LIG4: variants seen among roughly 807,000 people sequenced by gnomAD.
LIG4 encodes DNA joinase.
In LIG4, 13 loss-of-function variants were observed where a neutral mutation model predicts 19.0. That is an observed-to-expected ratio of 0.68 (90% CI 0.44 to 1.09). The LOEUF is 1.09. Ranked by LOEUF, LIG4 falls within the 50% of genes least tolerant of loss-of-function variation. LIG4 has a pLI of 0.00. For synonymous variants in LIG4, 361 were observed against 358.2 expected (o/e 1.01, Z -0.09); for missense variants, 1,026 against 1,089.7 (o/e 0.94, Z 0.82).
chr13:108,209,600 C>G lies in LIG4; in HGVS notation c.1669G>C (p.Val557Leu). Residue 557 changes from valine to leucine, a missense_variant, in exon 3 of 3, where the codon GTT becomes CTT. Physicochemically the swap from Val to Leu is conservative, Grantham distance 32. This residue lies in a region of LIG4 where 521 missense variants were observed against 515.5 expected (regional missense o/e 1.01). Coordinates refer to ENST00000442234, the MANE Select transcript of LIG4 (RefSeq NM_206937.2). ...VYIEPCNSVI[V>L]QIKAAEIVPS... Reference sequence around the variant, plus strand: ...ACGATCTCTGCTGCTTTAATCTGAACAATGACAGAATTACAAGGTTCAATG... The same window carrying G: ...ACGATCTCTGCTGCTTTAATCTGAAGAATGACAGAATTACAAGGTTCAATG... The G allele has an allele frequency of 6.2e-7, 1 of 1,614,106 alleles. No individual in the cohort carries two copies. Among genetic ancestry groups the G allele is most frequent in the Non-Finnish European group, 8.5e-7 (1 of 1,180,008 alleles).
rs938740125 is a variant in LIG4, at chr13:108,210,801, G to A, written c.468C>T (p.Ala156=). ...CTTTTCTTTTAGCAGAATTATTGCT[G>A]GCAATTGAGTCTAAAAGGTCGTTTA... The part of the protein sequence containing the change: ...QQVNDLLDSI[A]SNNSAKRKDL... The change falls in exon 3 of 3, where the codon GCC becomes GCT. Residue 156 remains alanine (A), a synonymous_variant. Transcript: ENST00000442234. 6.2e-7 allele frequency: 1 copy of A among 1,613,804 alleles called. No individual in the cohort carries two copies. The highest frequency in any genetic ancestry group is 8.5e-7 in the Non-Finnish European group (1 of 1,179,842).
Position 108,208,892 on chromosome 13 carries a change from C to G in LIG4, c.2377G>C (p.Ala793Pro). The G allele has an allele frequency of 6.2e-7, 1 of 1,614,088 alleles. No homozygotes were observed. The change falls in exon 3 of 3, where the codon GCT (alanine) becomes CCT (proline). Residue 793 changes from alanine (A) to proline (P), a missense_variant. By Grantham distance (27) the Ala-to-Pro change is conservative. Around this residue, in one of 3 missense-constraint regions of LIG4, gnomAD observed 521 missense variants for 515.5 expected, o/e 1.01. Coordinates refer to ENST00000442234, the MANE Select transcript of LIG4 (RefSeq NM_206937.2). ...NSNEQTPEEM[A>P]SLIADLEYRY... ...TATTCTAAATCAGCAATCAGAGAAG[C>G]CATTTCTTCAGGAGTCTGCTCGTTA... is the stretch of plus-strand genomic sequence containing the variant.
intron 2 of LIG4, among the ~76,000 whole-genome samples, chr13:108,212,622 A>C (rs1878786603): frequency 1.3e-5 from 2 of 151,948 alleles, no homozygotes; most frequent in Middle Eastern, 3.4e-3. Context: ...TTTTGCTGGG[A>C]GTGGGGAGAT....
chr13:108,209,067 G>A lies in LIG4; in HGVS notation c.2202C>T (p.Ser734=), dbSNP rs369333400. Residue 734 remains serine (S), a synonymous_variant, in exon 3 of 3, where the codon AGC becomes AGT. Coordinates refer to ENST00000442234, the MANE Select transcript of LIG4 (RefSeq NM_206937.2). ...AWLLECFKTK[S]FVPWQPRFMI... ...TAAAGCGAGGCTGCCATGGTACAAA[G>A]CTTTTGGTCTTAAAACATTCTAAAA... is the stretch of plus-strand genomic sequence containing the variant. 3 of 1,614,000 alleles carry A rather than the reference G, an allele frequency of 1.9e-6. No individual in the cohort carries two copies. Among genetic ancestry groups the A allele is most frequent in the South Asian group, 1.1e-5 (1 of 91,090 alleles).
rs200281988 is a variant in LIG4, at chr13:108,215,130, TCA to T, written c.-102+352_-102+353del. Among the ~76,000 whole-genome samples the T allele has an allele frequency of 4.3e-3, 131 of 30,698 alleles. 4 individuals are homozygous for T. The highest frequency in any genetic ancestry group is 0.034 in the Admixed American group (70 of 2,072). 20.1% of individuals were successfully genotyped at this position (30,698 alleles called of 152,430 possible). ...CCCCACGTAAACCCCGCCTGACACC[TCA>T]CAGACCCTAACCTGACGCCCCACAG... On this transcript the variant is annotated intron_variant, in intron 1 of 2. Coordinates refer to ENST00000442234, the MANE Select transcript of LIG4 (RefSeq NM_206937.2).
upstream of LIG4, among the ~76,000 whole-genome samples, chr13:108,216,738 T>C (rs541934400): frequency 7.6e-4 from 116 of 152,288 alleles, no homozygotes; most frequent in Middle Eastern, 3.4e-3. Flanking sequence ...CCGTGTACAT[T>C]TGTAGCTTGT....
rs370907523 is a variant in LIG4, at chr13:108,211,033, C to G, written c.236G>C (p.Arg79Thr). ...RLILPQLERE[R>T]MAYGIKETML... ...AGTTTCTTTAATTCCATAGGCCATT[C>G]TCTCTCTTTCTAGCTGAGGAAGAAT... Residue 79 changes from arginine to threonine, a missense_variant, in exon 3 of 3, where the codon AGA becomes ACA. Arg to Thr is a moderately conservative substitution (Grantham distance 71, BLOSUM62 -1). Coordinates refer to ENST00000442234, the MANE Select transcript of LIG4 (RefSeq NM_206937.2). 2.5e-6 allele frequency: 4 copies of G among 1,601,350 alleles called. No homozygotes were observed. The Middle Eastern group carries it at 5.0e-4, about 200-fold the overall frequency.
At chr13:108,214,124 T>A (rs908428699) in intron 2 of LIG4, among the ~76,000 whole-genome samples, 9 of 152,076 alleles carry the variant, frequency 5.9e-5, no homozygotes, top group Admixed American at 5.2e-4. Context: ...TCAGTGACTA[T>A]GGAAGGTGAT....
At position 108,210,017 on chromosome 13, in the gene LIG4, A is replaced by G. The variant is rs147181971; in HGVS notation, c.1252T>C (p.Leu418=). 43 of 1,612,160 alleles carry G rather than the reference A, an allele frequency of 2.7e-5. No individual in the cohort carries two copies. Among genetic ancestry groups the G allele is most frequent in the East Asian group, 4.5e-5 (2 of 44,874 alleles). Residue 418 remains leucine, a synonymous_variant, in exon 3 of 3, where the codon TTG becomes CTG. Coordinates refer to ENST00000442234, the MANE Select transcript of LIG4 (RefSeq NM_206937.2). ...TCTCTTTTATCTATTGCTTCATTCA[A>G]TGCATCAATTACTTCATTCTTAGTA... The part of the protein sequence containing the change: ...AHTKNEVIDA[L]NEAIDKREEG...
rs1264386192 is a variant in LIG4 at position 108,209,461 on chromosome 13, CT to C, written c.1807del (p.Arg603GlyfsTer15). The C allele has an allele frequency of 6.2e-7, 1 of 1,614,038 alleles. No individual in the cohort carries two copies. The highest frequency in any genetic ancestry group is 8.5e-7 in the Non-Finnish European group (1 of 1,180,034). Reference sequence around the variant, plus strand: ...TGCGAGCTTACCAGATGCCTTCCCCCTAAGTTGTTCTAGGTCGTCCAGGGTC... The same window carrying C: ...TGCGAGCTTACCAGATGCCTTCCCCCAAGTTGTTCTAGGTCGTCCAGGGTC... The part of the protein sequence containing the change: ...CMTLDDLEQL[R>X]GKASGKLASK... On this transcript the variant is annotated frameshift_variant, in exon 3 of 3. Coordinates refer to ENST00000442234, the MANE Select transcript of LIG4 (RefSeq NM_206937.2). LOFTEE classifies it low-confidence loss of function (END_TRUNC).
upstream of LIG4, among the ~76,000 whole-genome samples, chr13:108,216,259 C>G (rs1434143602): frequency 6.6e-6 from 1 of 152,078 alleles, no homozygotes; most frequent in Non-Finnish European, 1.5e-5. Flanking sequence ...TGGTTTCCAC[C>G]GAATTTTTGC....
Position 108,210,306 on chromosome 13 carries a change from T to C in LIG4, c.963A>G (p.Ala321=). Residue 321 remains alanine, a synonymous_variant, in exon 3 of 3, where the codon GCA becomes GCG. Coordinates refer to ENST00000442234, the MANE Select transcript of LIG4 (RefSeq NM_206937.2). ...CATCAAGAATACAGATTTGTATATC[T>C]GCTTTGAATGCATTATGAATGAATG... ...LTPFIHNAFK[A]DIQICILDGE... is the part of the protein sequence containing the mutation. 6.2e-7 allele frequency: 1 copy of C among 1,613,972 alleles called. No individual in the cohort carries two copies.
rs754406950 is a variant in LIG4, at chr13:108,210,177, A to G, written c.1092T>C (p.Tyr364=). 10 of 1,613,750 alleles carry G rather than the reference A, an allele frequency of 6.2e-6. No homozygotes were observed. The highest frequency in any genetic ancestry group is 1.3e-5 in the African/African-American group (1 of 74,928). ...MVEDSDLQTC[Y]CVFDVLMVNN... ...TAACCATCAATACATCAAAAACACA[A>G]TAACAAGTTTGCAGATCAGAATCCT... The change falls in exon 3 of 3, where the codon TAT becomes TAC. Residue 364 remains tyrosine, a synonymous_variant. Coordinates refer to ENST00000442234, the MANE Select transcript of LIG4 (RefSeq NM_206937.2).
In LIG4 at chr13:108,209,980, A is replaced by G. The variant is rs1217662150; in HGVS notation, c.1289T>C (p.Met430Thr). 2 of 1,613,034 alleles carry G rather than the reference A, an allele frequency of 1.2e-6. No homozygotes were observed. The highest frequency in any genetic ancestry group is 2.2e-5 in the South Asian group (2 of 91,084). ...GTAGATGGATAGAGGTTGTTTTACCATAATTCCCTCTTCTCTTTTATCTAT... is the reference window on the plus strand; with the variant it reads ...GTAGATGGATAGAGGTTGTTTTACCGTAATTCCCTCTTCTCTTTTATCTAT... ...EAIDKREEGIMVKQPLSIYKP... is the reference protein window; with the variant it reads ...EAIDKREEGITVKQPLSIYKP... Residue 430 changes from methionine (M) to threonine (T), a missense_variant, in exon 3 of 3, where the codon ATG becomes ACG. Physicochemically the swap from Met to Thr is moderately conservative, Grantham distance 81. Around this residue, in one of 3 missense-constraint regions of LIG4, gnomAD observed 493 missense variants for 544.5 expected, o/e 0.91. Transcript: ENST00000442234.
Position 108,211,081 on chromosome 13 carries a change from G to C in LIG4, c.188C>G (p.Ser63Cys). 3.1e-6 allele frequency: 5 copies of C among 1,606,460 alleles called. No homozygotes were observed. The highest frequency in any genetic ancestry group is 4.3e-6 in the Non-Finnish European group (5 of 1,175,806). Residue 63 changes from serine (S) to cysteine (C), a missense_variant, in exon 3 of 3, where the codon TCT becomes TGT. By Grantham distance (112) the Ser-to-Cys change is moderately radical. Around this residue, in one of 3 missense-constraint regions of LIG4, gnomAD observed 493 missense variants for 544.5 expected, o/e 0.91. Coordinates refer to ENST00000442234, the MANE Select transcript of LIG4 (RefSeq NM_206937.2). ...LHKNHKDVTDSFYPAMRLILP... is the reference protein window; with the variant it reads ...LHKNHKDVTDCFYPAMRLILP... ...AATTAGTCTCATTGCTGGATAAAAA[G>C]AGTCTGTGACATCTTTGTGGTTCTT...
At position 108,209,329 on chromosome 13, in the gene LIG4, G is replaced by A. The variant is rs775265846; in HGVS notation, c.1940C>T (p.Pro647Leu). Residue 647 changes from proline to leucine, a missense_variant, in exon 3 of 3, where the codon CCT becomes CTT. Physicochemically the swap from Pro to Leu is moderately conservative, Grantham distance 98. Transcript: ENST00000442234. ...AATTTTGTTAACGTTAGTAAGGTTA[G>A]GTGCTTTTAAGTGCTCAATAATTCC... ...VIGIIEHLKA[P>L]NLTNVNKISN... The A allele has an allele frequency of 1.2e-6, 2 of 1,614,020 alleles. No individual in the cohort carries two copies. The highest frequency in any genetic ancestry group is 1.7e-6 in the Non-Finnish European group (2 of 1,179,934).
Position 108,208,398 on chromosome 13 carries a change from T to C in LIG4, c.*135A>G, listed in dbSNP as rs1194602036. 3 of 644,932 alleles carry C rather than the reference T, an allele frequency of 4.7e-6. No individual in the cohort carries two copies. The African/African-American group carries it at 5.5e-5, about 12-fold the overall frequency. The allele number at this position is 644,932 out of a possible 1,614,324, so 40.0% of individuals were successfully genotyped here. A position where few individuals can be genotyped will look rare whatever the true frequency, so the allele number is the denominator to read the frequency against. ...AACCTTAAAAGTTAAAATTATTGTT[T>C]TCCTATATGTAATGATACTTTTTAG... On this transcript the variant is annotated 3_prime_UTR_variant, in exon 3 of 3. Coordinates refer to ENST00000442234, the MANE Select transcript of LIG4 (RefSeq NM_206937.2).
Position 108,209,794 on chromosome 13 carries a change from G to A in LIG4, c.1475C>T (p.Pro492Leu), listed in dbSNP as rs1246340932. The change falls in exon 3 of 3, where the codon CCT becomes CTT. Residue 492 changes from proline (P) to leucine (L), a missense_variant. Physicochemically the swap from Pro to Leu is moderately conservative, Grantham distance 98 (BLOSUM62 -3). Around this residue, in one of 3 missense-constraint regions of LIG4, gnomAD observed 521 missense variants for 515.5 expected, o/e 1.01. Transcript: ENST00000442234. ...HFLCAVAEKP[P>L]PGEKPSVFHT... The stretch of plus-strand genomic sequence containing the variant: ...AAACACAGATGGCTTCTCACCAGGA[G>A]GGGGCTTCTCTGCTACTGCACACAG... 6 of 1,614,076 alleles carry A rather than the reference G, an allele frequency of 3.7e-6. No homozygotes were observed. The highest frequency in any genetic ancestry group is 5.1e-6 in the Non-Finnish European group (6 of 1,180,014).
At position 108,208,766 on chromosome 13, in the gene LIG4, C is replaced by G; in HGVS notation, c.2503G>C (p.Gly835Arg). 6.2e-7 allele frequency: 1 copy of G among 1,614,152 alleles called. No individual in the cohort carries two copies. The highest frequency in any genetic ancestry group is 2.2e-5 in the East Asian group (1 of 44,880). Residue 835 changes from glycine (G) to arginine (R), a missense_variant, in exon 3 of 3, where the codon GGG becomes CGG. Physicochemically the swap from Gly to Arg is moderately radical, Grantham distance 125. This residue lies in a region of LIG4 where 521 missense variants were observed against 515.5 expected (regional missense o/e 1.01). Transcript: ENST00000442234. ...AAGGCTTTAATAGCTAACCTTGTCC[C>G]CTCATTTTTGGTACTCAGGTCATTA... ...VINDLSTKNE[G>R]TRLAIKALEL...
Sources: gnomAD v4.1 joint callset for allele counts (sites outside exome capture counted in the v4.1 genomes callset) on GRCh38, gnomAD v4.1.1 for gene constraint, gnomAD v4.1.1 regional missense constraint, MANE v1.5 for transcripts, NCBI Gene and HGNC (gene_info 2026-07-23, HGNC 2026-07-21) for gene names.